MPP4: variants seen among roughly 807,000 people sequenced by gnomAD.
MPP4 encodes the protein MAGUK p55 subfamily member 4.
Under a neutral mutation model 98.3 loss-of-function variants are expected in MPP4, and 91 were observed. That is an observed-to-expected ratio of 0.93 (90% CI 0.78 to 1.10). The LOEUF is 1.10. MPP4 is among the 50% of genes least tolerant of loss of function. The pLI is 0.00. For synonymous variants in MPP4, 261 were observed against 271.8 expected (o/e 0.96, Z 0.39); for missense variants, 744 against 792.9 (o/e 0.94, Z 0.74).
intron 15 of MPP4, among the ~76,000 whole-genome samples, chr2:201,659,134 G>T (rs1357371860): frequency 1.3e-5 from 2 of 152,150 alleles, no homozygotes; most frequent in Non-Finnish European, 2.9e-5. Flanking sequence ...GACCTCAGGT[G>T]ATCCACCCAC....
chr2:201,683,901 A>C (rs1468909498), intron 7 of MPP4, among the ~76,000 whole-genome samples: 1 of 152,134 alleles, frequency 6.6e-6, no homozygotes, highest in Non-Finnish European at 1.5e-5. Context: ...AAGATGTATA[A>C]CAGGTATAGA....
At chr2:201,646,781 A>G (rs1687569837) in intron 21 of MPP4, 1 of 152,224 alleles carries the variant, frequency 6.6e-6, no homozygotes, top group Non-Finnish European at 1.5e-5. Context: ...GCCCTTGTAC[A>G]AGCATGACAT....
intron 18 of MPP4, 180 bp from the exon 19 acceptor site, chr2:201,650,345 A>G: frequency 1.0e-6 from 1 of 985,474 alleles, no homozygotes; most frequent in Non-Finnish European, 1.2e-6. Context: ...AAAATCAGTT[A>G]GTCTATAAAC....
intron 15 of MPP4, 135 bp downstream of exon 15, chr2:201,660,197 G>C (rs1687985394): frequency 1.1e-5 from 9 of 823,246 alleles, no homozygotes; most frequent in African/African-American, 1.7e-5. Flanking sequence ...ATGTAAATAT[G>C]AGGGGAAAAC....
At chr2:201,669,661 A>T in intron 12 of MPP4, 72 bp downstream of exon 12, 1 of 1,117,288 alleles carries the variant, frequency 9.0e-7, no homozygotes, top group South Asian at 2.3e-5. Context: ...AATTAAAGTG[A>T]ATTCTTTAAA....
intron 11 of MPP4, among the ~76,000 whole-genome samples, chr2:201,673,719 C>T (rs550740904): frequency 2.2e-4 from 34 of 152,150 alleles, no homozygotes; most frequent in Non-Finnish European, 4.7e-4. Flanking sequence ...TCAAAAACTG[C>T]CTTTATAGTT....
At position 201,656,357 on chromosome 2, in the gene MPP4, G is replaced by A. The variant is rs375529816; in HGVS notation, c.1141C>T (p.Arg381Cys). 27 of 1,551,202 alleles carry A rather than the reference G, an allele frequency of 1.7e-5. No homozygotes were observed. Among genetic ancestry groups the A allele is most frequent in the Admixed American group, 7.9e-5 (4 of 50,940 alleles). ...GQKFFIAGFRRSMRLCRRKSH... is the reference protein window; with the variant it reads ...GQKFFIAGFRCSMRLCRRKSH... The stretch of plus-strand genomic sequence containing the variant: ...TTCCTGCGACAAAGGCGCATGCTGC[G>A]GCGGAAGCCAGCTAGGGAGGGGAAG... The change falls in exon 17 of 22, where the codon CGC becomes TGC. Residue 381 changes from arginine to cysteine, a missense_variant. Coordinates refer to ENST00000409474, the MANE Select transcript of MPP4 (RefSeq NM_033066.3).
In MPP4 at chr2:201,649,077, AACACAGACACAC is replaced by A. The variant is rs575240267; in HGVS notation, c.1584+487_1584+498del. The stretch of plus-strand genomic sequence containing the variant: ...GGGCCTTGTCTCAAAAAACAAAACA[AACACAGACACAC>A]ACACAGACACACACACACACACGAA... On this transcript the variant is annotated intron_variant, in intron 20 of 21. Coordinates refer to ENST00000409474, the MANE Select transcript of MPP4 (RefSeq NM_033066.3). Among the ~76,000 whole-genome samples, 222 of 152,116 alleles carry A rather than the reference AACACAGACACAC, an allele frequency of 1.5e-3. 3 individuals carry two copies. The South Asian group carries it at 0.034, about 23-fold the overall frequency.
In MPP4 at chr2:201,689,713, C is replaced by T. The variant is rs142211945; in HGVS notation, c.279+489G>A. Reference sequence around the variant, plus strand: ...CTGAGCACTGCAAGAACACAGGTATCGTTTCTGAGATAGAAAAGGCTTCCA... The same window carrying T: ...CTGAGCACTGCAAGAACACAGGTATTGTTTCTGAGATAGAAAAGGCTTCCA... On this transcript the variant is annotated intron_variant, in intron 4 of 21. Coordinates refer to ENST00000409474, the MANE Select transcript of MPP4 (RefSeq NM_033066.3). Among the ~76,000 whole-genome samples, 522 of 152,176 alleles carry T rather than the reference C, an allele frequency of 3.4e-3. 2 individuals are homozygous for T. Among genetic ancestry groups the T allele is most frequent in the Admixed American group, 0.018 (274 of 15,282 alleles).
At chr2:201,690,362 A>T in intron 3 of MPP4, 83 bp from the exon 4 acceptor site, 1 of 907,206 alleles carries the variant, frequency 1.1e-6, no homozygotes, top group South Asian at 1.5e-5. Flanking sequence ...AAGAGAAGAA[A>T]CACCCCAGGC....
chr2:201,657,969 G>GTT (rs1234609914), intron 16 of MPP4, among the ~76,000 whole-genome samples: 1 of 130,122 alleles, frequency 7.7e-6, no homozygotes, highest in Non-Finnish European at 1.7e-5. Flanking sequence ...TTTTTTTTTT[G>GTT]TTTTTTTTTT....
intron 17 of MPP4, 83 bp downstream of exon 17, chr2:201,656,115 A>G: frequency 2.1e-6 from 3 of 1,409,628 alleles, no homozygotes; most frequent in Non-Finnish European, 1.9e-6. Flanking sequence ...TTCTACTTTC[A>G]CCATTATTCC....
chr2:201,685,649 A>G (rs897277907), intron 6 of MPP4, among the ~76,000 whole-genome samples: 4 of 152,212 alleles, frequency 2.6e-5, no homozygotes, highest in African/African-American at 9.6e-5. Context: ...AAAATAAAAC[A>G]TATGTCTTAT....
intron 7 of MPP4, 96 bp from the exon 8 acceptor site, chr2:201,683,012 G>T: frequency 1.2e-6 from 1 of 847,236 alleles, no homozygotes; most frequent in Non-Finnish European, 1.9e-6. Context: ...ACTAACCCAA[G>T]CATGCTCTAA....
At chr2:201,684,821 G>C (rs551188214) in intron 7 of MPP4, among the ~76,000 whole-genome samples, 1 of 151,708 alleles carries the variant, frequency 6.6e-6, no homozygotes, top group South Asian at 2.1e-4. Flanking sequence ...GTGGTGGCGG[G>C]CGCCTGTAAT....
Position 201,645,295 on chromosome 2 carries a change from T to A in MPP4, c.1829A>T (p.Gln610Leu), listed in dbSNP as rs761743947. 1 of 1,614,040 alleles carries A rather than the reference T, an allele frequency of 6.2e-7. No individual in the cohort carries two copies. Among genetic ancestry groups the A allele is most frequent in the Non-Finnish European group, 8.5e-7 (1 of 1,179,898 alleles). Reference sequence around the variant, plus strand: ...AGCCTTCTGTATGGCAGACAACAACTGGGCACATGCATCGTGCAAGCTGTC... The same window carrying A: ...AGCCTTCTGTATGGCAGACAACAACAGGGCACATGCATCGTGCAAGCTGTC... Reference protein sequence around the residue: ...VNDSLHDACAQLLSAIQKAQE... With the variant: ...VNDSLHDACALLLSAIQKAQE... The change falls in exon 22 of 22, where the codon CAG becomes CTG. Residue 610 changes from glutamine (Q) to leucine (L), a missense_variant. Coordinates refer to ENST00000409474, the MANE Select transcript of MPP4 (RefSeq NM_033066.3).
chr2:201,675,709 T>C (rs1478898085), intron 10 of MPP4, among the ~76,000 whole-genome samples: 5 of 152,218 alleles, frequency 3.3e-5, no homozygotes, highest in South Asian at 2.1e-4. Context: ...ATCTCTAGCA[T>C]CACCCCTGGG....
intron 4 of MPP4, 47 bp from the exon 5 acceptor site, chr2:201,687,418 A>G (rs1447885392): frequency 6.9e-7 from 1 of 1,440,084 alleles, no homozygotes; most frequent in Admixed American, 2.0e-5. Context: ...AAAAATCTTT[A>G]TCACCTACTT....
rs772915991 is a variant in MPP4 at position 201,649,574 on chromosome 2, A to G, written c.1584+2T>C. On this transcript the variant is annotated splice_donor_variant, in intron 20 of 21. Transcript: ENST00000409474. LOFTEE classifies it high-confidence loss of function. ...GACATAAATATTCCACCATGGACCC[A>G]CCTGAGGCTCTAGGTCCATGACACA... is the stretch of plus-strand genomic sequence containing the variant. 3.8e-6 allele frequency: 6 copies of G among 1,593,906 alleles called. No homozygotes were observed. The highest frequency in any genetic ancestry group is 8.6e-7 in the Non-Finnish European group (1 of 1,169,094).
Sources: gnomAD v4.1 joint callset for allele counts (sites outside exome capture counted in the v4.1 genomes callset) on GRCh38, gnomAD v4.1.1 for gene constraint, MANE v1.5 for transcripts, NCBI Gene and HGNC (gene_info 2026-07-23, HGNC 2026-07-21) for gene names.